OR8K3: variants seen among roughly 807,000 people sequenced by gnomAD.
OR8K3 encodes olfactory receptor 8K3.
For synonymous variants in OR8K3, 167 were observed against 138.8 expected (o/e 1.20, Z -1.43); for missense variants, 448 against 367.4 (o/e 1.22, Z -1.79).
chr11:56,316,409 T>C (rs557381871), intron 2 of OR8K3, among the ~76,000 whole-genome samples: 1 of 136,092 alleles, frequency 7.3e-6, no homozygotes, highest in East Asian at 2.3e-4. Flanking sequence ...TTTTCTTTTT[T>C]CAAAAAACAT....
In OR8K3 at chr11:56,319,214, C is replaced by A; in HGVS notation, c.908C>A (p.Thr303Lys). ...NKDVKYALRR[T>K]WNNLCNIFV ...GATGTAAAATATGCCCTACGAAGGA[C>A]ATGGAATAACTTATGTAATATTTTT... Residue 303 changes from threonine (T) to lysine (K), a missense_variant, in exon 3 of 3, where the codon ACA (threonine) becomes AAA (lysine). Coordinates refer to ENST00000641662, the MANE Select transcript of OR8K3 (RefSeq NM_001005202.2). 2 of 1,605,148 alleles carry A rather than the reference C, an allele frequency of 1.2e-6. No individual in the cohort carries two copies. The highest frequency in any genetic ancestry group is 1.7e-6 in the Non-Finnish European group (2 of 1,172,202).
Position 56,318,974 on chromosome 11 carries a change from T to C in OR8K3, c.668T>C (p.Val223Ala). ...IVLLSYLLIL[V>A]AILRMNSAGR... ...CTTTTATCTTACCTGCTCATCCTTG[T>C]AGCCATTCTCAGGATGAATTCTGCT... Residue 223 changes from valine to alanine, a missense_variant, in exon 3 of 3, where the codon GTA becomes GCA. Physicochemically the swap from Val to Ala is moderately conservative, Grantham distance 64. Transcript: ENST00000641662. 2 of 1,614,174 alleles carry C rather than the reference T, an allele frequency of 1.2e-6. No individual in the cohort carries two copies. The highest frequency in any genetic ancestry group is 1.7e-6 in the Non-Finnish European group (2 of 1,179,998).
Position 56,319,189 on chromosome 11 carries a change from G to T in OR8K3, c.883G>T (p.Asp295Tyr), listed in dbSNP as rs151106293. The change falls in exon 3 of 3, where the codon GAT becomes TAT. Residue 295 changes from aspartate to tyrosine, a missense_variant. Transcript: ENST00000641662. ...CTTGATCTATAGTTTACGAAACAAA[G>T]ATGTAAAATATGCCCTACGAAGGAC... ...NPLIYSLRNK[D>Y]VKYALRRTWN... 3 of 1,613,078 alleles carry T rather than the reference G, an allele frequency of 1.9e-6. No individual in the cohort carries two copies. The highest frequency in any genetic ancestry group is 3.3e-5 in the Admixed American group (2 of 59,990).
In OR8K3 at chr11:56,318,782, T is replaced by C. The variant is rs149126730; in HGVS notation, c.476T>C (p.Val159Ala). ...YLYCTFISLL[V>A]TIKIFTLSFC... Reference sequence around the variant, plus strand: ...TATTGCACATTCATTTCTCTTCTAGTCACCATAAAGATTTTTACTTTATCC... The same window carrying C: ...TATTGCACATTCATTTCTCTTCTAGCCACCATAAAGATTTTTACTTTATCC... The change falls in exon 3 of 3, where the codon GTC becomes GCC. Residue 159 changes from valine to alanine, a missense_variant. Transcript: ENST00000641662. 1,629 of 1,613,986 alleles carry C rather than the reference T, an allele frequency of 1.0e-3. 3 individuals are homozygous for C. The highest frequency in any genetic ancestry group is 1.3e-3 in the Non-Finnish European group (1,485 of 1,179,858).
In OR8K3 at chr11:56,318,961, C is replaced by T. The variant is rs1854486497; in HGVS notation, c.655C>T (p.Leu219=). The change falls in exon 3 of 3, where the codon CTG becomes TTG. Residue 219 remains leucine (L), a synonymous_variant. Coordinates refer to ENST00000641662, the MANE Select transcript of OR8K3 (RefSeq NM_001005202.2). ...SSLLIVLLSY[L]LILVAILRMN... ...TCTTCTGATAGTTCTTTTATCTTAC[C>T]TGCTCATCCTTGTAGCCATTCTCAG... 1 of 1,614,050 alleles carries T rather than the reference C, an allele frequency of 6.2e-7. No individual in the cohort carries two copies. Among genetic ancestry groups the T allele is most frequent in the Non-Finnish European group, 8.5e-7 (1 of 1,180,014 alleles).
chr11:56,316,117 C>A (rs1284590939), intron 2 of OR8K3, 60 bp downstream of exon 2: 1 of 151,908 alleles, frequency 6.6e-6, no homozygotes, highest in Non-Finnish European at 1.5e-5. Context: ...AACAAGCAAA[C>A]AAAATACAGG....
At position 56,318,848 on chromosome 11, in the gene OR8K3, G is replaced by A; in HGVS notation, c.542G>A (p.Ser181Asn). 6.2e-7 allele frequency: 1 copy of A among 1,614,074 alleles called. No homozygotes were observed. The highest frequency in any genetic ancestry group is 8.5e-7 in the Non-Finnish European group (1 of 1,179,946). ...YNVISHFYCD[S>N]LPLLPLLCSN... ...GTCATTAGTCATTTCTACTGTGACA[G>A]TCTCCCTTTGTTACCTTTGCTTTGT... The change falls in exon 3 of 3, where the codon AGT (serine) becomes AAT (asparagine). Residue 181 changes from serine (S) to asparagine (N), a missense_variant. By Grantham distance (46) the Ser-to-Asn change is conservative. Coordinates refer to ENST00000641662, the MANE Select transcript of OR8K3 (RefSeq NM_001005202.2).
Position 56,318,455 on chromosome 11 carries a change from A to G in OR8K3, c.149A>G (p.Lys50Arg). Reference protein sequence around the residue: ...MGNLGMIVLTKLDSRLQTPMY... With the variant: ...MGNLGMIVLTRLDSRLQTPMY... ...AATTTGGGCATGATTGTCCTCACCAAGTTGGACTCCAGGTTGCAAACCCCT... is the reference window on the plus strand; with the variant it reads ...AATTTGGGCATGATTGTCCTCACCAGGTTGGACTCCAGGTTGCAAACCCCT... The change falls in exon 3 of 3, where the codon AAG (lysine) becomes AGG (arginine). Residue 50 changes from lysine (K) to arginine (R), a missense_variant. By Grantham distance (26) the Lys-to-Arg change is conservative. Transcript: ENST00000641662. 6.2e-7 allele frequency: 1 copy of G among 1,614,110 alleles called. No individual in the cohort carries two copies. The highest frequency in any genetic ancestry group is 8.5e-7 in the Non-Finnish European group (1 of 1,179,988).
intron 2 of OR8K3, among the ~76,000 whole-genome samples, chr11:56,316,303 A>G (rs983661297): frequency 3.9e-5 from 6 of 151,982 alleles, no homozygotes; most frequent in African/African-American, 1.4e-4. Flanking sequence ...AATCATCTTT[A>G]TATTTAATGT....
rs771664452 is a variant in OR8K3, at chr11:56,319,799, G to A, written c.*554G>A. The A allele has an allele frequency of 3.9e-5, 6 of 152,516 alleles. No individual in the cohort carries two copies. The highest frequency in any genetic ancestry group is 3.3e-4 in the Admixed American group (5 of 15,332). The allele number at this position is 152,516 out of a possible 1,614,324, so 9.4% of individuals were successfully genotyped here. On this transcript the variant is annotated 3_prime_UTR_variant, in exon 3 of 3. Transcript: ENST00000641662. ...GATGTGCTCGAATAATTACTATTCC[G>A]AATATTAGGATCCTACTATTTCCTT...
Position 56,319,092 on chromosome 11 carries a change from G to T in OR8K3, c.786G>T (p.Lys262Asn). ...GTLLFMYVQP[K>N]SSHSFDTDKV... is the part of the protein sequence containing the mutation. Reference sequence around the variant, plus strand: ...TGCTTTTCATGTACGTGCAGCCCAAGTCCAGTCATTCCTTTGACACTGATA... The same window carrying T: ...TGCTTTTCATGTACGTGCAGCCCAATTCCAGTCATTCCTTTGACACTGATA... Residue 262 changes from lysine to asparagine, a missense_variant, in exon 3 of 3, where the codon AAG becomes AAT. Lys to Asn is a moderately conservative substitution (Grantham distance 94). Transcript: ENST00000641662. 2 of 1,614,062 alleles carry T rather than the reference G, an allele frequency of 1.2e-6. No homozygotes were observed. The highest frequency in any genetic ancestry group is 1.7e-6 in the Non-Finnish European group (2 of 1,179,978).
chr11:56,318,417 C>A lies in OR8K3; in HGVS notation c.111C>A (p.Ile37=), dbSNP rs1322390242. 1 of 1,613,908 alleles carries A rather than the reference C, an allele frequency of 6.2e-7. No individual in the cohort carries two copies. The highest frequency in any genetic ancestry group is 1.3e-5 in the African/African-American group (1 of 75,032). ...CATTGTTCCTCATGATCTATGTGAT[C>A]TCAGTGATGGGCAATTTGGGCATGA... ...LFALFLMIYV[I]SVMGNLGMIV... The change falls in exon 3 of 3, where the codon ATC becomes ATA. Residue 37 remains isoleucine, a synonymous_variant. Transcript: ENST00000641662.
intron 1 of OR8K3, 148 bp downstream of exon 1, chr11:56,315,315 T>A (rs554807629): frequency 6.6e-6 from 1 of 152,300 alleles, no homozygotes; most frequent in South Asian, 2.1e-4. Context: ...TCTCCGGGAT[T>A]TCTGTTACTC....
At position 56,319,173 on chromosome 11, in the gene OR8K3, T is replaced by C. The variant is rs113854551; in HGVS notation, c.867T>C (p.Tyr289=). Reference sequence around the variant, plus strand: ...TCCCCATGTTGAATCCCTTGATCTATAGTTTACGAAACAAAGATGTAAAAT... The same window carrying C: ...TCCCCATGTTGAATCCCTTGATCTACAGTTTACGAAACAAAGATGTAAAAT... ...LVIPMLNPLI[Y]SLRNKDVKYA... Residue 289 remains tyrosine (Y), a synonymous_variant, in exon 3 of 3, where the codon TAT becomes TAC. Coordinates refer to ENST00000641662, the MANE Select transcript of OR8K3 (RefSeq NM_001005202.2). 1,773 of 1,613,212 alleles carry C rather than the reference T, an allele frequency of 1.1e-3. 26 individuals are homozygous for C. In the African/African-American group the frequency reaches 0.021, roughly 19 times the overall value.
In OR8K3 at chr11:56,319,467, T is replaced by C. The variant is rs150961083; in HGVS notation, c.*222T>C. ...AATTGTATTCACAATAAGTCCATTT[T>C]ATATAACAGTAGAATGTGCACGATG... is the stretch of plus-strand genomic sequence containing the variant. On this transcript the variant is annotated 3_prime_UTR_variant, in exon 3 of 3. Transcript: ENST00000641662. 8 of 518,376 alleles carry C rather than the reference T, an allele frequency of 1.5e-5. No homozygotes were observed. Among genetic ancestry groups the C allele is most frequent in the African/African-American group, 7.6e-5 (4 of 52,608 alleles). 32.1% of individuals were successfully genotyped at this position (518,376 alleles called of 1,614,324 possible).
chr11:56,317,970 T>C (rs1854467117), intron 2 of OR8K3, among the ~76,000 whole-genome samples: 1 of 152,084 alleles, frequency 6.6e-6, no homozygotes, highest in Non-Finnish European at 1.5e-5. Flanking sequence ...GTATTGATTA[T>C]AGTGGAATGT....
At position 56,318,932 on chromosome 11, in the gene OR8K3, C is replaced by A; in HGVS notation, c.626C>A (p.Ser209Ter). The change falls in exon 3 of 3, where the codon TCA (serine) becomes TAA (stop). Residue 209 changes from serine to a stop codon, truncating the protein, a stop_gained. Coordinates refer to ENST00000641662, the MANE Select transcript of OR8K3 (RefSeq NM_001005202.2). LOFTEE classifies it low-confidence loss of function (END_TRUNC). ...ILIFAAIDLI[S>*]SLLIVLLSYL... ...ATCTTTGCAGCTATTGATTTGATTT[C>A]ATCTCTTCTGATAGTTCTTTTATCT... 1 of 1,614,042 alleles carries A rather than the reference C, an allele frequency of 6.2e-7. No homozygotes were observed. Among genetic ancestry groups the A allele is most frequent in the Non-Finnish European group, 8.5e-7 (1 of 1,179,946 alleles).
At chr11:56,317,973 T>A (rs991479688) in intron 2 of OR8K3, among the ~76,000 whole-genome samples, 7 of 152,080 alleles carry the variant, frequency 4.6e-5, no homozygotes. Flanking sequence ...TTGATTATAG[T>A]GGAATGTTTA....
In OR8K3 at chr11:56,318,799, A is replaced by G. The variant is rs551825973; in HGVS notation, c.493A>G (p.Thr165Ala). ...TCTTCTAGTCACCATAAAGATTTTTACTTTATCCTTCTGTGGCTACAACGT... is the reference window on the plus strand; with the variant it reads ...TCTTCTAGTCACCATAAAGATTTTTGCTTTATCCTTCTGTGGCTACAACGT... ...ISLLVTIKIF[T>A]LSFCGYNVIS... Residue 165 changes from threonine (T) to alanine (A), a missense_variant, in exon 3 of 3, where the codon ACT (threonine) becomes GCT (alanine). Transcript: ENST00000641662. 1.2e-6 allele frequency: 2 copies of G among 1,613,840 alleles called. No homozygotes were observed. Among genetic ancestry groups the G allele is most frequent in the Admixed American group, 3.3e-5 (2 of 60,006 alleles).
Sources: allele counts gnomAD v4.1 joint callset (sites outside exome capture counted in the v4.1 genomes callset), GRCh38; gene constraint gnomAD v4.1.1; transcripts MANE v1.5; gene names NCBI Gene and HGNC (gene_info 2026-07-23, HGNC 2026-07-21).